Variants in FXR1 observed in about 807,000 individuals in gnomAD.
FXR1 encodes RNA-binding protein FXR1.
In FXR1, 15 loss-of-function variants were observed where a neutral mutation model predicts 84.0. That is an observed-to-expected ratio of 0.18 (90% CI 0.12 to 0.27). FXR1 has a LOEUF of 0.27. Among genes scored for constraint, FXR1 ranks in the 10% least tolerant of loss-of-function variants. The pLI, the probability that FXR1 is intolerant of heterozygous loss-of-function variation, is 1.00. For synonymous variants in FXR1, 245 were observed against 250.7 expected (o/e 0.98, Z 0.21); for missense variants, 480 against 774.4 (o/e 0.62, Z 4.51).
chr3:180,979,600 CTG>C lies in FXR1; in HGVS notation c.*3310_*3311del, dbSNP rs1289329944. ...TTATTAGAACGTGTACTTGAATGGA[CTG>C]TAGTTGCTCATAACCCATGTTAATC... is the stretch of plus-strand genomic sequence containing the variant. On this transcript the variant is annotated 3_prime_UTR_variant, in exon 17 of 17. Transcript: ENST00000357559. 3 of 151,532 alleles carry C rather than the reference CTG, an allele frequency of 2.0e-5. No homozygotes were observed. The highest frequency in any genetic ancestry group is 7.3e-5 in the African/African-American group (3 of 41,234). 9.4% of individuals were successfully genotyped at this position (151,532 alleles called of 1,614,324 possible). A position where few individuals can be genotyped will look rare whatever the true frequency, so the allele number is the denominator to read the frequency against.
chr3:180,929,937 A>C, intron 1 of FXR1, among the ~76,000 whole-genome samples: 1 of 152,236 alleles, frequency 6.6e-6, no homozygotes, highest in East Asian at 1.9e-4. Flanking sequence ...TTACTCTAGT[A>C]AATCTTATGG....
At chr3:180,943,341 C>T (rs556103654) in intron 3 of FXR1, among the ~76,000 whole-genome samples, 1 of 126,154 alleles carries the variant, frequency 7.9e-6, no homozygotes, top group Admixed American at 1.0e-4. Context: ...GTGGTGCGAT[C>T]TTGGCTCACC....
rs113476010 is a variant in FXR1 at position 180,917,625 on chromosome 3, T to C, written c.51+4889T>C. ...GAAGGAAGGCTGGGATTTTCTACTC[T>C]ATCTTGCTGATGGTGATCACAGTTA... On this transcript the variant is annotated intron_variant, in intron 1 of 16. Coordinates refer to ENST00000357559, the MANE Select transcript of FXR1 (RefSeq NM_005087.4). Among the ~76,000 whole-genome samples, 3 of 152,154 alleles carry C rather than the reference T, an allele frequency of 2.0e-5. No individual in the cohort carries two copies. The East Asian group carries it at 5.8e-4, about 29-fold the overall frequency.
Position 180,976,157 on chromosome 3 carries a change from A to G in FXR1, c.1731A>G (p.Glu577=), listed in dbSNP as rs201161602. 2 of 1,613,244 alleles carry G rather than the reference A, an allele frequency of 1.2e-6. No individual in the cohort carries two copies. The highest frequency in any genetic ancestry group is 2.2e-5 in the South Asian group (2 of 90,900). ...KDVIEEHGPS[E]KAINGPTSAS... is the part of the protein sequence containing the mutation. ...TGATTGAAGAGCATGGTCCTTCAGA[A>G]AAGGCAATAAACGGCCCAACTAGTG... The change falls in exon 17 of 17, where the codon GAA becomes GAG. Residue 577 remains glutamate, a synonymous_variant. Transcript: ENST00000357559.
intron 1 of FXR1, among the ~76,000 whole-genome samples, chr3:180,924,324 C>T (rs1428825872): frequency 7.9e-5 from 12 of 152,096 alleles, no homozygotes; most frequent in Admixed American, 6.6e-4. Flanking sequence ...GCACATAGGT[C>T]GTAGTACCAT....
intron 8 of FXR1, among the ~76,000 whole-genome samples, chr3:180,953,136 A>C (rs1722401791): frequency 6.6e-6 from 1 of 152,158 alleles, no homozygotes; most frequent in Admixed American, 6.5e-5. Flanking sequence ...AGCCCACTGC[A>C]TCTGGCCTTA....
chr3:180,937,229 T>C (rs1720626582), intron 3 of FXR1, among the ~76,000 whole-genome samples: 1 of 152,224 alleles, frequency 6.6e-6, no homozygotes. Context: ...GGTTTGGACA[T>C]GTTCTAGAAT....
In FXR1 at chr3:180,981,201, G is replaced by A. The variant is rs1577020392; in HGVS notation, c.*4909G>A. On this transcript the variant is annotated 3_prime_UTR_variant, in exon 17 of 17. Coordinates refer to ENST00000357559, the MANE Select transcript of FXR1 (RefSeq NM_005087.4). ...AAACCCCTCTAACCCTTTAAATGAA[G>A]CATTATGCCTGCGTGAAATTTTATT... 6.6e-6 allele frequency: 1 copy of A among 151,764 alleles called. No individual in the cohort carries two copies. Among genetic ancestry groups the A allele is most frequent in the African/African-American group, 2.4e-5 (1 of 41,332 alleles). 9.4% of individuals were successfully genotyped at this position (151,764 alleles called of 1,614,324 possible). A position where few individuals can be genotyped will look rare whatever the true frequency, so the allele number is the denominator to read the frequency against.
intron 1 of FXR1, chr3:180,915,652 T>C (rs2108415858): frequency 1.4e-6 from 1 of 711,874 alleles, no homozygotes; most frequent in Non-Finnish European, 2.5e-6. Flanking sequence ...TTTCCCTTTT[T>C]TCCCCTCCTC....
chr3:180,953,718 A>G, intron 8 of FXR1, 44 bp from the exon 9 acceptor site: 1 of 930,550 alleles, frequency 1.1e-6, no homozygotes, highest in Non-Finnish European at 1.7e-6. Flanking sequence ...GGTTGCTCCG[A>G]GATTGAAACA....
chr3:180,975,492 C>A, intron 16 of FXR1, 88 bp downstream of exon 16: 1 of 519,478 alleles, frequency 1.9e-6, no homozygotes, highest in South Asian at 3.1e-5. Flanking sequence ...ACTGTGTGAT[C>A]ACTTGTTTCC....
At chr3:180,925,879 A>G (rs572801866) in intron 1 of FXR1, among the ~76,000 whole-genome samples, 9 of 152,332 alleles carry the variant, frequency 5.9e-5, no homozygotes, top group South Asian at 4.1e-4. Flanking sequence ...CTCATGGGCT[A>G]TATATTTTGT....
chr3:180,931,047 A>AAAAAAAAAAAAAAAAAC (rs1719838202), intron 1 of FXR1, among the ~76,000 whole-genome samples: 1 of 150,476 alleles, frequency 6.6e-6, no homozygotes, highest in African/African-American at 2.4e-5. Flanking sequence ...AAAAAAAAAA[A>AAAAAAAAAAAAAAAAAC]GACGTGAATG....
At chr3:180,961,050 G>A (rs1282623207) in intron 10 of FXR1, among the ~76,000 whole-genome samples, 1 of 151,996 alleles carries the variant, frequency 6.6e-6, no homozygotes, top group Non-Finnish European at 1.5e-5. Flanking sequence ...ATATATTGGG[G>A]CTGGGTACAG....
chr3:180,936,827 T>C (rs947667073), intron 3 of FXR1, among the ~76,000 whole-genome samples: 1 of 152,198 alleles, frequency 6.6e-6, no homozygotes, highest in Non-Finnish European at 1.5e-5. Context: ...ATAATTAAAA[T>C]CCAGGCAGAA....
chr3:180,916,915 A>G (rs182859149), intron 1 of FXR1, among the ~76,000 whole-genome samples: 3 of 151,960 alleles, frequency 2.0e-5, no homozygotes, highest in Non-Finnish European at 2.9e-5. Flanking sequence ...GCTGGCTGCA[A>G]CCTCTGACTC....
chr3:180,917,396 T>C (rs1718023347), intron 1 of FXR1, among the ~76,000 whole-genome samples: 1 of 152,158 alleles, frequency 6.6e-6, no homozygotes, highest in Non-Finnish European at 1.5e-5. Context: ...GATTTGTAAT[T>C]GAAAAAACGA....
intron 1 of FXR1, among the ~76,000 whole-genome samples, chr3:180,922,990 T>C (rs932378015): frequency 2.0e-5 from 3 of 152,188 alleles, no homozygotes; most frequent in Non-Finnish European, 4.4e-5. Flanking sequence ...ATTTTTTTTT[T>C]CCATTAAGGC....
At chr3:180,960,411 A>G (rs999533956) in intron 10 of FXR1, among the ~76,000 whole-genome samples, 2 of 152,162 alleles carry the variant, frequency 1.3e-5, no homozygotes, top group African/African-American at 4.8e-5. Flanking sequence ...AGCTATACCT[A>G]CTAAGGTGAT....
Sources: gnomAD v4.1 joint callset for allele counts (sites outside exome capture counted in the v4.1 genomes callset) on GRCh38, gnomAD v4.1.1 for gene constraint, MANE v1.5 for transcripts, NCBI Gene and HGNC (gene_info 2026-07-23, HGNC 2026-07-21) for gene names.